MYT1: variants seen among roughly 807,000 people sequenced by gnomAD.
The protein encoded by MYT1 is myelin transcription factor I.
MYT1 carries 23 observed loss-of-function variants against 123.0 expected under a neutral mutation model. That is an observed-to-expected ratio of 0.19 (90% CI 0.13 to 0.26). MYT1 has a LOEUF of 0.26. MYT1 is among the 10% of genes least tolerant of loss of function. The pLI is 1.00. For synonymous variants in MYT1, 518 were observed against 575.3 expected, an observed-to-expected ratio of 0.90 and a Z score of 1.43; for missense variants, 1,125 against 1,472.5, an observed-to-expected ratio of 0.76 and a Z score of 3.86.
chr20:64,235,596 G>T (rs1272097471), intron 19 of MYT1, among the ~76,000 whole-genome samples: 3 of 147,240 alleles, frequency 2.0e-5, no homozygotes, highest in Admixed American at 6.7e-5. Context: ...GGCTGGCCAT[G>T]GTGGGTGACC....
chr20:64,233,777 C>A (rs1339815934), intron 19 of MYT1, among the ~76,000 whole-genome samples: 1 of 152,020 alleles, frequency 6.6e-6, no homozygotes, highest in African/African-American at 2.4e-5. Context: ...AGCAGCTTGG[C>A]CTGAGGTGTC....
chr20:64,205,967 C>T (rs1233527356), intron 6 of MYT1, among the ~76,000 whole-genome samples, 167 bp downstream of exon 6: 1 of 152,064 alleles, frequency 6.6e-6, no homozygotes, highest in Non-Finnish European at 1.5e-5. Context: ...AGAGGTCTGC[C>T]CATGGTGTTT....
chr20:64,225,524 C>T (rs1984146592), intron 16 of MYT1, among the ~76,000 whole-genome samples: 1 of 152,234 alleles, frequency 6.6e-6, no homozygotes, highest in South Asian at 2.1e-4. Flanking sequence ...ACACACCTGC[C>T]AGGGCATGAC....
chr20:64,171,869 A>G (rs1047430652), intron 1 of MYT1, among the ~76,000 whole-genome samples: 1 of 151,452 alleles, frequency 6.6e-6, no homozygotes, highest in Non-Finnish European at 1.5e-5. Context: ...TGGCATCTGG[A>G]GGAACCCAAA....
rs6090069 is a variant in MYT1 at position 64,207,580 on chromosome 20, T to C, written c.398-14T>C. 0.26 allele frequency: 423,483 copies of C among 1,606,042 alleles called. 58,747 individuals carry two copies. The highest frequency in any genetic ancestry group is 0.29 in the Non-Finnish European group (343,796 of 1,174,888). On this transcript the variant is annotated splice_polypyrimidine_tract_variant and intron_variant, in intron 6 of 22. Transcript: ENST00000328439. ...GTGCTCTCTGGCCCCCACGTTGATTTTGATTTTGTGCAGGAAGGAGCCCCG... is the reference window on the plus strand; with the variant it reads ...GTGCTCTCTGGCCCCCACGTTGATTCTGATTTTGTGCAGGAAGGAGCCCCG...
rs190115249 is a variant in MYT1, at chr20:64,196,707, C to T, written c.1-2155C>T. The stretch of plus-strand genomic sequence containing the variant: ...GTAAAAAGGTGCTCAGCAGAAGGAG[C>T]GGCAGAGCTGTCAGCTTCATCAACG... On this transcript the variant is annotated intron_variant, in intron 2 of 22. Transcript: ENST00000328439. This position sits in a 1 kb window ranked among gnomAD's most constrained non-coding sequence, Gnocchi z 4.3. Among the ~76,000 whole-genome samples the T allele has an allele frequency of 0.011, 1,730 of 151,848 alleles. 46 individuals carry two copies. The highest frequency in any genetic ancestry group is 0.053 in the South Asian group (254 of 4,832).
chr20:64,168,066 G>A lies in MYT1; in HGVS notation c.-99+3327G>A, dbSNP rs553503519. ...CGGAGTGTCTGCTGGAGGCCTGGGGGGTGGAATGTGCTTTCACGGCCTCTT... is the reference window on the plus strand; with the variant it reads ...CGGAGTGTCTGCTGGAGGCCTGGGGAGTGGAATGTGCTTTCACGGCCTCTT... On this transcript the variant is annotated intron_variant, in intron 1 of 22. Transcript: ENST00000328439. This position sits in a 1 kb window ranked among gnomAD's most constrained non-coding sequence, Gnocchi z 6.1. 1.1e-4 allele frequency among the ~76,000 whole-genome samples: 16 copies of A among 152,340 alleles called. No individual in the cohort carries two copies. Among genetic ancestry groups the A allele is most frequent in the African/African-American group, 3.8e-4 (16 of 41,578 alleles).
Position 64,185,722 on chromosome 20 carries a change from G to T in MYT1, c.-98-4341G>T, listed in dbSNP as rs377627749. Among the ~76,000 whole-genome samples the T allele has an allele frequency of 1.3e-5, 2 of 152,220 alleles. No individual in the cohort carries two copies. Among genetic ancestry groups the T allele is most frequent in the African/African-American group, 2.4e-5 (1 of 41,452 alleles). ...GAAAACAGCCACGGTCGCCCGCAGG[G>T]GGTCCCCCATGGGGTTGTGCGTGGA... On this transcript the variant is annotated intron_variant, in intron 1 of 22. Coordinates refer to ENST00000328439, the MANE Select transcript of MYT1 (RefSeq NM_004535.3). This position sits in a 1 kb window ranked among gnomAD's most constrained non-coding sequence, Gnocchi z 4.5.
chr20:64,165,355 C>T (rs903826417), intron 1 of MYT1, among the ~76,000 whole-genome samples: 6 of 152,190 alleles, frequency 3.9e-5, no homozygotes, highest in South Asian at 2.1e-4. Context: ...CCCCTTTTTT[C>T]GCTACGTGTC....
intron 7 of MYT1, among the ~76,000 whole-genome samples, chr20:64,209,237 G>A (rs1983591354): frequency 6.6e-6 from 1 of 152,106 alleles, no homozygotes; most frequent in Admixed American, 6.5e-5. Flanking sequence ...GGGGTGTCAG[G>A]GTCTGGACAA....
chr20:64,216,987 T>C (rs1983856062), intron 10 of MYT1, 80 bp from the exon 11 acceptor site: 1 of 1,366,736 alleles, frequency 7.3e-7, no homozygotes, highest in Non-Finnish European at 1.0e-6. Flanking sequence ...CTGCCTGGGC[T>C]GCAGATTGGG....
At chr20:64,169,346 G>A (rs1300117145) in intron 1 of MYT1, among the ~76,000 whole-genome samples, 2 of 152,238 alleles carry the variant, frequency 1.3e-5, no homozygotes, top group African/African-American at 4.8e-5. Flanking sequence ...CAATCCCGGT[G>A]TGCGCCTCGC....
chr20:64,211,098 C>A, intron 7 of MYT1, 108 bp from the exon 8 acceptor site: 1 of 1,293,970 alleles, frequency 7.7e-7, no homozygotes, highest in Non-Finnish European at 1.1e-6. Context: ...GCAGTCTCGC[C>A]TCCCTTCTCT....
chr20:64,185,688 A>T lies in MYT1; in HGVS notation c.-98-4375A>T, dbSNP rs904516190. Among the ~76,000 whole-genome samples the T allele has an allele frequency of 4.6e-5, 7 of 152,166 alleles. No homozygotes were observed. Among genetic ancestry groups the T allele is most frequent in the African/African-American group, 1.4e-4 (6 of 41,442 alleles). On this transcript the variant is annotated intron_variant, in intron 1 of 22. Transcript: ENST00000328439. This position sits in a 1 kb window ranked among gnomAD's most constrained non-coding sequence, Gnocchi z 4.5. Reference sequence around the variant, plus strand: ...GCTCAGGCCAGATTCCAGGCTACCGAGCCAGCATGAAAACAGCCACGGTCG... The same window carrying T: ...GCTCAGGCCAGATTCCAGGCTACCGTGCCAGCATGAAAACAGCCACGGTCG...
At chr20:64,236,533 G>C (rs372669301) in intron 19 of MYT1, 22 bp from the exon 20 acceptor site, 2 of 1,605,934 alleles carry the variant, frequency 1.2e-6, no homozygotes, top group African/African-American at 1.3e-5. Context: ...GCTGGTGAAT[G>C]ATATGTGGCC....
intron 13 of MYT1, among the ~76,000 whole-genome samples, chr20:64,220,940 C>CCTCTATGAAGGGTGGGGGCTGGATCAGG (rs1190022113): frequency 3.5e-4 from 11 of 31,148 alleles, no homozygotes; most frequent in South Asian, 9.4e-4. Context: ...CTGGATCAGG[C>CCTCTATGAAGGGTGGGGGCTGGATCAGG]CCCCTCCACA....
intron 19 of MYT1, among the ~76,000 whole-genome samples, chr20:64,235,894 C>G (rs1173604232): frequency 3.6e-5 from 5 of 138,630 alleles, no homozygotes; most frequent in East Asian, 4.4e-4. Flanking sequence ...GGTGGGTGAC[C>G]CTGGGATGGC....
rs77503184 is a variant in MYT1, at chr20:64,192,660, G to A, written c.-1+2500G>A. On this transcript the variant is annotated intron_variant, in intron 2 of 22. Coordinates refer to ENST00000328439, the MANE Select transcript of MYT1 (RefSeq NM_004535.3). This position sits in a 1 kb window ranked among gnomAD's most constrained non-coding sequence, Gnocchi z 5.3. ...TCGTGTGTCGGGGTATGCAGGAGCT[G>A]ATGGTAGCTCCTCAACCCCCTTCTT... Among the ~76,000 whole-genome samples, 2,800 of 152,340 alleles carry A rather than the reference G, an allele frequency of 0.018. 74 individuals carry two copies. The highest frequency in any genetic ancestry group is 0.062 in the African/African-American group (2,569 of 41,582).
chr20:64,165,502 T>C (rs1426160083), intron 1 of MYT1, among the ~76,000 whole-genome samples: 1 of 152,176 alleles, frequency 6.6e-6, no homozygotes, highest in East Asian at 1.9e-4. Context: ...GGACTTTGGT[T>C]CTGTCTATTG....
Sources: allele counts gnomAD v4.1 joint callset (sites outside exome capture counted in the v4.1 genomes callset), GRCh38; gene constraint gnomAD v4.1.1; non-coding constraint Gnocchi (gnomAD v3.1); transcripts MANE v1.5; gene names NCBI Gene and HGNC (gene_info 2026-07-23, HGNC 2026-07-21).